The following RFX3 variants were observed in gnomAD, a reference collection of about 807,000 sequenced individuals.
The protein encoded by RFX3 is transcription factor RFX3.
In RFX3, 14 loss-of-function variants were observed where a neutral mutation model predicts 98.6. The ratio of observed to expected loss-of-function variants is 0.14; its 90% CI spans 0.09 to 0.22. The LOEUF (loss-of-function observed/expected upper bound fraction) is 0.22. Ranked by LOEUF, RFX3 falls within the 10% of genes least tolerant of loss-of-function variation. The pLI is 1.00. For synonymous variants in RFX3, 383 were observed against 328.4 expected (o/e 1.17, Z -1.80); for missense variants, 639 against 926.9 (o/e 0.69, Z 4.03).
At chr9:3,354,774 T>C (rs1835552560) in intron 2 of RFX3, among the ~76,000 whole-genome samples, 1 of 151,860 alleles carries the variant, frequency 6.6e-6, no homozygotes, top group South Asian at 2.1e-4. Context: ...ATGAGAAACA[T>C]CAGAAATAAT....
chr9:3,245,742 T>C (rs1820575167), intron 15 of RFX3, among the ~76,000 whole-genome samples: 2 of 152,204 alleles, frequency 1.3e-5, no homozygotes. Flanking sequence ...ATTGTTATTG[T>C]CTTTGTGGTT....
intron 1 of RFX3, among the ~76,000 whole-genome samples, chr9:3,520,059 A>G (rs1818554901): frequency 6.6e-6 from 1 of 152,206 alleles, no homozygotes; most frequent in Non-Finnish European, 1.5e-5. Context: ...GCAGTGAGCT[A>G]TGACTATGCC....
At chr9:3,467,154 T>G (rs1394130459) in intron 1 of RFX3, among the ~76,000 whole-genome samples, 1 of 124,952 alleles carries the variant, frequency 8.0e-6, no homozygotes, top group Non-Finnish European at 1.7e-5. Flanking sequence ...ACATAATATA[T>G]ATGTATATAC....
chr9:3,362,083 A>G (rs901910096), intron 2 of RFX3, among the ~76,000 whole-genome samples: 2 of 152,246 alleles, frequency 1.3e-5, no homozygotes, highest in Non-Finnish European at 2.9e-5. Context: ...ACAGGATCAC[A>G]GAGAACAAAA....
At chr9:3,346,831 C>G (rs1343873975) in intron 2 of RFX3, 67 bp from the exon 3 acceptor site, 2 of 952,992 alleles carry the variant, frequency 2.1e-6, no homozygotes, top group Non-Finnish European at 3.4e-6. Context: ...AGCATTAGAT[C>G]TATCTCAAAG....
chr9:3,360,154 G>C (rs1455620604), intron 2 of RFX3, among the ~76,000 whole-genome samples: 1 of 151,966 alleles, frequency 6.6e-6, no homozygotes, highest in African/African-American at 2.4e-5. Context: ...TTAGAGAAGA[G>C]ATAATTAAAT....
intron 1 of RFX3, among the ~76,000 whole-genome samples, chr9:3,468,151 C>A (rs746426783): frequency 4.6e-5 from 7 of 152,134 alleles, no homozygotes; most frequent in Non-Finnish European, 8.8e-5. Flanking sequence ...CCTTCAAAAT[C>A]TTTATTTGAA....
intron 8 of RFX3, among the ~76,000 whole-genome samples, chr9:3,276,609 G>A (rs1270679826): frequency 6.6e-6 from 1 of 152,068 alleles, no homozygotes; most frequent in South Asian, 2.1e-4. Context: ...CTTCAGTAAT[G>A]ATTCCAACCT....
chr9:3,273,240 AT>A (rs1317676380), intron 9 of RFX3, among the ~76,000 whole-genome samples: 7 of 152,170 alleles, frequency 4.6e-5, no homozygotes, highest in Non-Finnish European at 8.8e-5. Context: ...ATGAATATTT[AT>A]TAACAGGAAA....
chr9:3,313,951 G>A (rs957842216), intron 4 of RFX3, among the ~76,000 whole-genome samples: 4 of 152,088 alleles, frequency 2.6e-5, no homozygotes, highest in Non-Finnish European at 4.4e-5. Flanking sequence ...AGCACTCTTC[G>A]GATATTATCC....
At chr9:3,287,621 G>T (rs561170714) in intron 7 of RFX3, among the ~76,000 whole-genome samples, 1 of 151,812 alleles carries the variant, frequency 6.6e-6, no homozygotes, top group Non-Finnish European at 1.5e-5. Context: ...CCGTCCATAC[G>T]TCCATCCATC....
At chr9:3,411,870 C>T (rs1842495035) in intron 1 of RFX3, among the ~76,000 whole-genome samples, 1 of 151,956 alleles carries the variant, frequency 6.6e-6, no homozygotes, top group African/African-American at 2.4e-5. Flanking sequence ...GGCTACACAA[C>T]AGCCCCTCCA....
At chr9:3,290,462 G>A (rs79388512) in intron 6 of RFX3, among the ~76,000 whole-genome samples, 1 of 152,048 alleles carries the variant, frequency 6.6e-6, no homozygotes, top group South Asian at 2.1e-4. Flanking sequence ...ACAGCTATTA[G>A]AATGTTGAAT....
intron 2 of RFX3, among the ~76,000 whole-genome samples, chr9:3,382,533 T>C (rs1218097594): frequency 6.6e-6 from 1 of 152,194 alleles, no homozygotes; most frequent in African/African-American, 2.4e-5. Flanking sequence ...ACTGGCTAAC[T>C]ATAATTTTTT....
chr9:3,227,758 T>C (rs1586644272), intron 16 of RFX3, among the ~76,000 whole-genome samples: 1 of 152,238 alleles, frequency 6.6e-6, no homozygotes, highest in African/African-American at 2.4e-5. Context: ...ATATCATCAT[T>C]GACTTATTTT....
At chr9:3,296,654 G>T (rs920683831) in intron 5 of RFX3, among the ~76,000 whole-genome samples, 2 of 152,002 alleles carry the variant, frequency 1.3e-5, no homozygotes, top group Non-Finnish European at 2.9e-5. Context: ...GCTACGTTTT[G>T]TTCCCTACCC....
Position 3,352,805 on chromosome 9 carries a change from A to G in RFX3, c.118-6041T>C, listed in dbSNP as rs148998359. Among the ~76,000 whole-genome samples the G allele has an allele frequency of 6.5e-3, 982 of 152,206 alleles. 10 individuals are homozygous for G. The highest frequency in any genetic ancestry group is 0.011 in the Non-Finnish European group (770 of 67,986). ...GGGTTCTGACCTAGAACCATTTTCC[A>G]CATTGCAGAACAGGAACAGAGAAAC... On this transcript the variant is annotated intron_variant, in intron 2 of 16. Coordinates refer to ENST00000617270, the MANE Select transcript of RFX3 (RefSeq NM_001282116.2).
At position 3,465,382 on chromosome 9, in the gene RFX3, C is replaced by T. The variant is rs1307472696; in HGVS notation, c.-9+60365G>A. ...CTCAGCTCACCACAACCTCCACCTC[C>T]TGAGTTCAAGTGATTCTCCTACCTC... is the stretch of plus-strand genomic sequence containing the variant. On this transcript the variant is annotated intron_variant, in intron 1 of 16. Coordinates refer to ENST00000617270, the MANE Select transcript of RFX3 (RefSeq NM_001282116.2). 4.6e-5 allele frequency among the ~76,000 whole-genome samples: 7 copies of T among 152,088 alleles called. No homozygotes were observed. The East Asian group carries it at 1.2e-3, about 25-fold the overall frequency.
chr9:3,311,883 AC>A (rs1477380224), intron 4 of RFX3, among the ~76,000 whole-genome samples: 1 of 151,962 alleles, frequency 6.6e-6, no homozygotes, highest in Admixed American at 6.6e-5. Flanking sequence ...GACTCTGCCC[AC>A]CCCCCTACTC....
Sources: allele counts gnomAD v4.1 joint callset (sites outside exome capture counted in the v4.1 genomes callset), GRCh38; gene constraint gnomAD v4.1.1; transcripts MANE v1.5; gene names NCBI Gene and HGNC (gene_info 2026-07-23, HGNC 2026-07-21).